KALRN: variants seen among roughly 807,000 people sequenced by gnomAD.
The protein encoded by KALRN is kalirin RhoGEF kinase.
Under a neutral mutation model 353.7 loss-of-function variants are expected in KALRN, and 70 were observed. That is an observed-to-expected ratio of 0.20 (90% CI 0.16 to 0.24). KALRN has a LOEUF of 0.24. KALRN is among the 10% of genes least tolerant of loss of function. KALRN has a pLI of 1.00. For missense variants in KALRN, 2,791 were observed against 3,756.7 expected (o/e 0.74, Z 6.72); for synonymous variants, 1,391 against 1,434.8 (o/e 0.97, Z 0.69).
intron 13 of KALRN, among the ~76,000 whole-genome samples, chr3:124,403,581 G>A (rs967978480): frequency 6.6e-6 from 1 of 152,218 alleles, no homozygotes; most frequent in African/African-American, 2.4e-5. Context: ...ATAGGGGCCA[G>A]GCTAAGGCTG....
At chr3:124,695,556 G>A (rs1323009509) in intron 53 of KALRN, among the ~76,000 whole-genome samples, 1 of 152,300 alleles carries the variant, frequency 6.6e-6, no homozygotes, top group Non-Finnish European at 1.5e-5. Flanking sequence ...AGAGCTGACT[G>A]TGACTTCTGT....
chr3:124,565,719 C>G (rs1334208980), intron 34 of KALRN, among the ~76,000 whole-genome samples: 1 of 152,160 alleles, frequency 6.6e-6, no homozygotes, highest in Non-Finnish European at 1.5e-5. Flanking sequence ...GCCTCCTAGC[C>G]TGAGGCTGGG....
intron 1 of KALRN, among the ~76,000 whole-genome samples, chr3:124,118,675 C>T (rs2063690641): frequency 1.3e-5 from 2 of 152,214 alleles, no homozygotes; most frequent in South Asian, 4.2e-4. Context: ...ATAGTCATTG[C>T]ACTCTAAAAA....
At chr3:124,710,006 T>C (rs758223586) in intron 57 of KALRN, among the ~76,000 whole-genome samples, 1 of 152,186 alleles carries the variant, frequency 6.6e-6, no homozygotes, top group East Asian at 1.9e-4. Flanking sequence ...ACAATAGAAG[T>C]TGGAAGGCAA....
chr3:124,686,145 T>C (rs1317293907), intron 51 of KALRN, among the ~76,000 whole-genome samples: 1 of 152,226 alleles, frequency 6.6e-6, no homozygotes, highest in African/African-American at 2.4e-5. Context: ...CTTTAAAACC[T>C]GCTCTAACAG....
intron 33 of KALRN, among the ~76,000 whole-genome samples, chr3:124,502,680 A>G (rs577189516): frequency 6.6e-6 from 1 of 152,276 alleles, no homozygotes; most frequent in East Asian, 1.9e-4. Flanking sequence ...TCTATATGAA[A>G]GAGCACAGAA....
chr3:124,661,008 G>C (rs776183984), intron 44 of KALRN, 35 bp downstream of exon 44: 15 of 1,481,994 alleles, frequency 1.0e-5, no homozygotes, highest in Non-Finnish European at 1.4e-5. Flanking sequence ...GCTGTTCTTA[G>C]GGACCATATT....
At chr3:124,466,034 CTGTGTGTGTGTG>C (rs10639598) in intron 25 of KALRN, among the ~76,000 whole-genome samples, 1,995 of 147,404 alleles carry the variant, frequency 0.014, 16 homozygotes, top group Non-Finnish European at 0.017. Flanking sequence ...CTCTCTTGCT[CTGTGTGTGTGTG>C]TGTGTGTGTG....
At chr3:124,589,948 T>G (rs2075608137) in intron 34 of KALRN, among the ~76,000 whole-genome samples, 1 of 152,238 alleles carries the variant, frequency 6.6e-6, no homozygotes. Context: ...GCCTACTGTA[T>G]GCTTTTGCGA....
At position 124,488,311 on chromosome 3, in the gene KALRN, G is replaced by A; in HGVS notation, c.4392G>A (p.Leu1464=). ...KANDAMHVSM[L]EGFDENLDVQ... The stretch of plus-strand genomic sequence containing the variant: ...ATGATGCCATGCATGTCAGCATGCT[G>A]GAAGGTAGCTGTCCTCCCAGCACTG... The change falls in exon 29 of 60, where the codon CTG becomes CTA. Residue 1464 remains leucine, a synonymous_variant. Transcript: ENST00000682506. 2 of 1,604,494 alleles carry A rather than the reference G, an allele frequency of 1.2e-6. No individual in the cohort carries two copies. Among genetic ancestry groups the A allele is most frequent in the South Asian group, 1.1e-5 (1 of 90,886 alleles).
chr3:124,467,948 G>A (rs555635599), intron 25 of KALRN, among the ~76,000 whole-genome samples: 1 of 152,020 alleles, frequency 6.6e-6, no homozygotes, highest in East Asian at 1.9e-4. Context: ...TGGATAGGTA[G>A]GTAGGGTAGG....
intron 10 of KALRN, among the ~76,000 whole-genome samples, chr3:124,379,552 T>C (rs955712605): frequency 6.6e-6 from 1 of 152,212 alleles, no homozygotes; most frequent in Non-Finnish European, 1.5e-5. Flanking sequence ...TCTCTTAAAA[T>C]GTACTAGGCA....
rs562558143 is a variant in KALRN, at chr3:124,158,316, G to A, written c.74-69674G>A. Among the ~76,000 whole-genome samples the A allele has an allele frequency of 3.0e-4, 45 of 152,266 alleles. 2 individuals are homozygous for A. The South Asian group carries it at 9.1e-3, about 31-fold the overall frequency. ...AGAGATAGCCCACTTCTCCCAGGAA[G>A]CTCCCAGTCTACTGAGGAGATGATA... is the stretch of plus-strand genomic sequence containing the variant. On this transcript the variant is annotated intron_variant, in intron 1 of 59. Coordinates refer to ENST00000682506, the MANE Select transcript of KALRN (RefSeq NM_001388419.1).
Position 124,438,870 on chromosome 3 carries a change from T to C in KALRN, c.3049-18T>C. ...TGAATAATTAATTTACTGAGTCTTT[T>C]CTTCCATGATTCACTAGGTGTGTAG... On this transcript the variant is annotated intron_variant, in intron 17 of 59. Coordinates refer to ENST00000682506, the MANE Select transcript of KALRN (RefSeq NM_001388419.1). The C allele has an allele frequency of 6.3e-7, 1 of 1,597,782 alleles. No individual in the cohort carries two copies. The highest frequency in any genetic ancestry group is 8.6e-7 in the Non-Finnish European group (1 of 1,167,728).
chr3:124,486,221 A>G (rs971527517), intron 28 of KALRN, among the ~76,000 whole-genome samples: 1 of 152,308 alleles, frequency 6.6e-6, no homozygotes, highest in African/African-American at 2.4e-5. Flanking sequence ...CCCAGCTGGT[A>G]GATTGGTAGA....
At position 124,697,688 on chromosome 3, in the gene KALRN, A is replaced by G. The variant is rs552227061; in HGVS notation, c.7795A>G (p.Thr2599Ala). The G allele has an allele frequency of 1.5e-4, 244 of 1,598,818 alleles. 3 individuals carry two copies. In the South Asian group the frequency reaches 2.5e-3, roughly 16 times the overall value. The change falls in exon 55 of 60, where the codon ACT (threonine) becomes GCT (alanine). Residue 2599 changes from threonine (T) to alanine (A), a missense_variant. Transcript: ENST00000682506. ...GCCCCCCTCCAGCACAGGAAACTGC[A>G]CTATTTCTGGTTACACTGTGGAGTA... is the stretch of plus-strand genomic sequence containing the variant. ...WLPPSSTGNCTISGYTVEYRE... is the reference protein window; with the variant it reads ...WLPPSSTGNCAISGYTVEYRE...
At chr3:124,174,498 T>C (rs1003639657) in intron 1 of KALRN, among the ~76,000 whole-genome samples, 3 of 152,200 alleles carry the variant, frequency 2.0e-5, no homozygotes, top group Non-Finnish European at 4.4e-5. Flanking sequence ...TTGCTGCCAA[T>C]CTGCCCTCAG....
chr3:124,344,301 A>T (rs561891571), intron 9 of KALRN, among the ~76,000 whole-genome samples: 1 of 152,358 alleles, frequency 6.6e-6, no homozygotes, highest in South Asian at 2.1e-4. Flanking sequence ...CAAGCCACAC[A>T]TAAATTTATA....
At chr3:124,304,127 AACAC>A (rs3055892) in intron 6 of KALRN, among the ~76,000 whole-genome samples, 41,387 of 147,374 alleles carry the variant, frequency 0.28, 6,271 homozygotes, top group Non-Finnish European at 0.34. Flanking sequence ...TTTTGTTGTA[AACAC>A]ACACACACAC....
Sources: allele counts gnomAD v4.1 joint callset (sites outside exome capture counted in the v4.1 genomes callset), GRCh38; gene constraint gnomAD v4.1.1; transcripts MANE v1.5; gene names NCBI Gene and HGNC (gene_info 2026-07-23, HGNC 2026-07-21).